The following MSH4 variants were observed in gnomAD, a reference collection of about 807,000 sequenced individuals.
MSH4 encodes mutS homolog 4, also known as mutS protein homolog 4.
MSH4 carries 106 observed loss-of-function variants against 113.7 expected under a neutral mutation model. That is an observed-to-expected ratio of 0.93 (90% confidence interval 0.80 to 1.10). The LOEUF (loss-of-function observed/expected upper bound fraction) is 1.10, where lower values mean the gene tolerates loss of function less well. Ranked by LOEUF, MSH4 falls within the 50% of genes least tolerant of loss-of-function variation. MSH4 has a pLI of 0.00. For missense variants in MSH4, 1,061 were observed against 1,093.7 expected, an observed-to-expected ratio of 0.97 and a Z score of 0.42; for synonymous variants, 368 against 380.2, an observed-to-expected ratio of 0.97 and a Z score of 0.37.
intron 4 of MSH4, 66 bp downstream of exon 4, chr1:75,810,873 T>C: frequency 3.9e-6 from 3 of 765,518 alleles, no homozygotes; most frequent in South Asian, 2.3e-5. Context: ...TGTTATTTAT[T>C]ATTTATTTAT....
intron 7 of MSH4, among the ~76,000 whole-genome samples, chr1:75,832,698 C>T (rs1172745757): frequency 1.3e-5 from 2 of 152,130 alleles, no homozygotes; most frequent in Non-Finnish European, 2.9e-5. Flanking sequence ...ATGATTATCT[C>T]AATAGAGGCA....
chr1:75,876,500 A>G (rs922205637), intron 9 of MSH4, among the ~76,000 whole-genome samples: 3 of 152,100 alleles, frequency 2.0e-5, no homozygotes, highest in Non-Finnish European at 4.4e-5. Context: ...ATTAAGCAAA[A>G]TAAAATCCCT....
chr1:75,905,404 T>A (rs2100594186), intron 19 of MSH4, among the ~76,000 whole-genome samples: 1 of 152,282 alleles, frequency 6.6e-6, no homozygotes, highest in Middle Eastern at 3.4e-3. Flanking sequence ...CATTGTGGAA[T>A]AAAATATACT....
intron 1 of MSH4, among the ~76,000 whole-genome samples, chr1:75,798,084 T>A (rs148107295): frequency 3.6e-4 from 55 of 152,344 alleles, no homozygotes; most frequent in African/African-American, 1.2e-3. Context: ...CAATGGTCAT[T>A]TTTCAGTTCA....
chr1:75,860,578 G>A (rs1045491531), intron 8 of MSH4, among the ~76,000 whole-genome samples: 12 of 152,202 alleles, frequency 7.9e-5, no homozygotes, highest in African/African-American at 2.9e-4. Flanking sequence ...CTTTAAGAAT[G>A]TTGAATATTG....
chr1:75,879,275 C>A, intron 12 of MSH4, 147 bp downstream of exon 12: 1 of 689,866 alleles, frequency 1.4e-6, no homozygotes, highest in Non-Finnish European at 2.4e-6. Flanking sequence ...AACTAATGTA[C>A]TAATCTAAGA....
chr1:75,800,097 T>C (rs2100498947), intron 1 of MSH4, among the ~76,000 whole-genome samples: 1 of 151,974 alleles, frequency 6.6e-6, no homozygotes, highest in Admixed American at 6.6e-5. Context: ...CAAGAAAGGG[T>C]ATATAGTCTA....
At chr1:75,887,080 C>T (rs1483388560) in intron 15 of MSH4, among the ~76,000 whole-genome samples, 4 of 151,916 alleles carry the variant, frequency 2.6e-5, no homozygotes, top group Admixed American at 1.3e-4. Context: ...TTAGTCTTCC[C>T]CACTTGCCCC....
chr1:75,817,400 A>G (rs1225609345), intron 6 of MSH4, among the ~76,000 whole-genome samples: 3 of 152,134 alleles, frequency 2.0e-5, no homozygotes, highest in Admixed American at 6.6e-5. Flanking sequence ...ATGATATCCT[A>G]TGTTATCATG....
chr1:75,803,499 C>T (rs968261823), intron 1 of MSH4, among the ~76,000 whole-genome samples: 1 of 152,012 alleles, frequency 6.6e-6, no homozygotes, highest in Non-Finnish European at 1.5e-5. Context: ...TGCCTGTAAT[C>T]CCAGCTACTC....
At chr1:75,831,750 A>G (rs1650696310) in intron 7 of MSH4, among the ~76,000 whole-genome samples, 1 of 152,234 alleles carries the variant, frequency 6.6e-6, no homozygotes, top group African/African-American at 2.4e-5. Flanking sequence ...GAACAAAGAC[A>G]AAACATACCA....
intron 7 of MSH4, among the ~76,000 whole-genome samples, chr1:75,832,693 T>C (rs2100531595): frequency 6.6e-6 from 1 of 152,288 alleles, no homozygotes; most frequent in South Asian, 2.1e-4. Flanking sequence ...AACTCATGAT[T>C]ATCTCAATAG....
chr1:75,828,770 C>A (rs1054840893), intron 7 of MSH4, among the ~76,000 whole-genome samples: 3 of 152,130 alleles, frequency 2.0e-5, no homozygotes, highest in African/African-American at 7.2e-5. Flanking sequence ...ATCTATGCAA[C>A]AAACCTGCAC....
intron 7 of MSH4, among the ~76,000 whole-genome samples, chr1:75,840,711 T>A (rs1252191443): frequency 7.2e-6 from 1 of 138,416 alleles, no homozygotes; most frequent in African/African-American, 2.4e-5. Flanking sequence ...TATAAGAATC[T>A]AAACCTTTTA....
chr1:75,806,196 T>C (rs1263626971), intron 2 of MSH4, among the ~76,000 whole-genome samples: 1 of 151,462 alleles, frequency 6.6e-6, no homozygotes, highest in African/African-American at 2.4e-5. Flanking sequence ...ATACTTTATA[T>C]ATTCTGAGTA....
intron 8 of MSH4, among the ~76,000 whole-genome samples, chr1:75,856,105 T>C (rs1290629614): frequency 6.6e-6 from 1 of 152,300 alleles, no homozygotes; most frequent in East Asian, 1.9e-4. Flanking sequence ...TATCTGTGAA[T>C]AGCTTGCCTG....
At chr1:75,852,320 T>C (rs28784995) in intron 8 of MSH4, among the ~76,000 whole-genome samples, 8,191 of 152,298 alleles carry the variant, frequency 0.054, 377 homozygotes, top group African/African-American at 0.12. Flanking sequence ...CTTTTGACTA[T>C]TATGAATAAT....
intron 9 of MSH4, among the ~76,000 whole-genome samples, chr1:75,869,194 C>T (rs565758927): frequency 2.0e-5 from 3 of 152,220 alleles, no homozygotes; most frequent in African/African-American, 7.2e-5. Flanking sequence ...GTCACTCTTG[C>T]TATGCAAAGA....
intron 15 of MSH4, among the ~76,000 whole-genome samples, chr1:75,884,801 A>G (rs113742215): frequency 6.6e-6 from 1 of 151,988 alleles, no homozygotes; most frequent in Non-Finnish European, 1.5e-5. Flanking sequence ...TCAGAGACAA[A>G]TGAGTTAATG....
Sources: gnomAD v4.1 joint callset for allele counts (sites outside exome capture counted in the v4.1 genomes callset) on GRCh38, gnomAD v4.1.1 for gene constraint, MANE v1.5 for transcripts, NCBI Gene and HGNC (gene_info 2026-07-23, HGNC 2026-07-21) for gene names.